The following DLGAP2 variants were observed in gnomAD, a reference collection of about 807,000 sequenced individuals.
DLGAP2 encodes the protein DLG associated protein 2.
In DLGAP2, 26 loss-of-function variants were observed where a neutral mutation model predicts 100.3. The observed-to-expected ratio is 0.26, with a 90% confidence interval of 0.19 to 0.36. The LOEUF is 0.36. DLGAP2 is among the 10% of genes least tolerant of loss of function. The probability of loss-of-function intolerance (pLI) is 1.00; values close to 1 mark genes in which losing one functional copy is unlikely to be tolerated. For synonymous variants in DLGAP2, 886 were observed against 630.1 expected, an observed-to-expected ratio of 1.41 and a Z score of -6.08; for missense variants, 1,858 against 1,453.2, an observed-to-expected ratio of 1.28 and a Z score of -4.53.
intron 12 of DLGAP2, among the ~76,000 whole-genome samples, chr8:1,687,258 A>AGAT (rs1799139184): frequency 6.6e-6 from 1 of 152,238 alleles, no homozygotes; most frequent in Non-Finnish European, 1.5e-5. Context: ...TACCAAATTT[A>AGAT]GATAGAATTG....
intron 10 of DLGAP2, among the ~76,000 whole-genome samples, chr8:1,670,984 A>T (rs1246817931): frequency 6.6e-6 from 1 of 152,212 alleles, no homozygotes; most frequent in Non-Finnish European, 1.5e-5. Context: ...AAGAGTGAGC[A>T]GGCTGTGGAC....
At position 1,462,070 on chromosome 8, in the gene DLGAP2, G is replaced by C. The variant is rs530504411; in HGVS notation, c.107-39296G>C. Among the ~76,000 whole-genome samples, 455 of 66,168 alleles carry C rather than the reference G, an allele frequency of 6.9e-3. 8 individuals carry two copies. Among genetic ancestry groups the C allele is most frequent in the Non-Finnish European group, 9.2e-3 (348 of 37,956 alleles). 43.4% of individuals were successfully genotyped at this position (66,168 alleles called of 152,430 possible). The stretch of plus-strand genomic sequence containing the variant: ...GAGGAGGGAGAAGGGCGGCATTTGG[G>C]TTGGGAGAAGGTGCTGCTGTCACAG... On this transcript the variant is annotated intron_variant, in intron 3 of 14. Transcript: ENST00000637795.
At chr8:1,327,055 G>A (rs569700953) in intron 3 of DLGAP2, among the ~76,000 whole-genome samples, 38 of 152,356 alleles carry the variant, frequency 2.5e-4, no homozygotes, top group African/African-American at 7.2e-4. Flanking sequence ...CGAAAATCCC[G>A]GGCAGGCCCC....
At chr8:1,614,158 T>A (rs1196008933) in intron 6 of DLGAP2, among the ~76,000 whole-genome samples, 1 of 152,150 alleles carries the variant, frequency 6.6e-6, no homozygotes, top group Non-Finnish European at 1.5e-5. Context: ...CATCACATAC[T>A]TCTCATGGGA....
At chr8:783,924 A>T (rs2132627830) in intron 1 of DLGAP2, among the ~76,000 whole-genome samples, 1 of 152,358 alleles carries the variant, frequency 6.6e-6, no homozygotes, top group African/African-American at 2.4e-5. Context: ...TCATAGCGTT[A>T]TCGGCTAATT....
rs928261213 is a variant in DLGAP2, at chr8:1,142,061, C to A, written c.74-116790C>A. ...ATGATTCAGAAGTGTCCATATTCTG[C>A]CTACGTATATAAGTTTTTTTTTTTG... On this transcript the variant is annotated intron_variant, in intron 2 of 14. Coordinates refer to ENST00000637795, the MANE Select transcript of DLGAP2 (RefSeq NM_001346810.2). Among the ~76,000 whole-genome samples the A allele has an allele frequency of 1.5e-4, 20 of 133,482 alleles. 1 individual carries two copies. Among genetic ancestry groups the A allele is most frequent in the African/African-American group, 4.2e-4 (16 of 38,516 alleles). 87.6% of individuals were successfully genotyped at this position (133,482 alleles called of 152,430 possible).
chr8:1,005,191 G>A (rs1378093792), intron 2 of DLGAP2, among the ~76,000 whole-genome samples: 1 of 152,152 alleles, frequency 6.6e-6, no homozygotes, highest in Non-Finnish European at 1.5e-5. Context: ...CTCACCTACA[G>A]TTTGGAGCCC....
chr8:1,356,988 A>T (rs1228995571), intron 3 of DLGAP2, among the ~76,000 whole-genome samples: 1 of 152,194 alleles, frequency 6.6e-6, no homozygotes, highest in Non-Finnish European at 1.5e-5. Flanking sequence ...CATAACCTGG[A>T]ACACACAGCG....
intron 2 of DLGAP2, among the ~76,000 whole-genome samples, chr8:1,056,408 C>G (rs1471462945): frequency 2.0e-5 from 3 of 152,152 alleles, no homozygotes; most frequent in African/African-American, 7.2e-5. Flanking sequence ...TTTCCCATCT[C>G]TTTTTCCTAG....
chr8:1,199,771 G>C (rs1197269453), intron 2 of DLGAP2, among the ~76,000 whole-genome samples: 3 of 152,164 alleles, frequency 2.0e-5, no homozygotes, highest in Non-Finnish European at 4.4e-5. Flanking sequence ...TTGCATGATG[G>C]AAGGTGTGTA....
chr8:805,374 T>C, intron 1 of DLGAP2, among the ~76,000 whole-genome samples: 1 of 152,206 alleles, frequency 6.6e-6, no homozygotes, highest in East Asian at 1.9e-4. Context: ...AGGGAGTTTC[T>C]TTGGGGCTGG....
intron 2 of DLGAP2, among the ~76,000 whole-genome samples, chr8:1,256,453 T>C (rs1159989374): frequency 0.02 from 2,551 of 130,588 alleles, 247 homozygotes; most frequent in African/African-American, 0.076. Flanking sequence ...CCTGCCCAGG[T>C]GCTGTGCGTG....
intron 2 of DLGAP2, among the ~76,000 whole-genome samples, chr8:1,069,830 G>T (rs549210998): frequency 6.6e-6 from 1 of 152,182 alleles, no homozygotes; most frequent in Admixed American, 6.5e-5. Flanking sequence ...GGAGGATGCT[G>T]TGAGGGCCTG....
intron 4 of DLGAP2, among the ~76,000 whole-genome samples, chr8:1,534,171 A>T (rs796774268): frequency 1.6e-4 from 25 of 152,360 alleles, no homozygotes; most frequent in African/African-American, 6.0e-4. Context: ...GGTTGGTTTA[A>T]ATTAAGGAGC....
At chr8:1,607,156 A>C (rs987939694) in intron 6 of DLGAP2, among the ~76,000 whole-genome samples, 7 of 152,250 alleles carry the variant, frequency 4.6e-5, no homozygotes, top group Admixed American at 6.5e-5. Context: ...TTAGTTGCAT[A>C]TGTAACATTA....
chr8:1,535,760 C>A (rs937892261), intron 4 of DLGAP2, among the ~76,000 whole-genome samples: 2 of 152,212 alleles, frequency 1.3e-5, no homozygotes, highest in Non-Finnish European at 2.9e-5. Context: ...TCACATATCT[C>A]CACTTAGGAC....
intron 1 of DLGAP2, among the ~76,000 whole-genome samples, chr8:861,794 A>AG (rs1797397046): frequency 6.6e-6 from 1 of 151,400 alleles, no homozygotes; most frequent in Non-Finnish European, 1.5e-5. Flanking sequence ...GACACACCTA[A>AG]CCTCCCGGTG....
At chr8:1,081,183 T>G (rs1223005748) in intron 2 of DLGAP2, among the ~76,000 whole-genome samples, 1 of 152,158 alleles carries the variant, frequency 6.6e-6, no homozygotes, top group Non-Finnish European at 1.5e-5. Context: ...ATATTAATAA[T>G]AACAATAACA....
chr8:1,546,248 G>A (rs1185064348), intron 4 of DLGAP2, among the ~76,000 whole-genome samples: 1 of 152,226 alleles, frequency 6.6e-6, no homozygotes, highest in Non-Finnish European at 1.5e-5. Flanking sequence ...TGAAGTTAAA[G>A]GATCTCTTTA....
Sources: gnomAD v4.1 joint callset for allele counts (sites outside exome capture counted in the v4.1 genomes callset) on GRCh38, gnomAD v4.1.1 for gene constraint, MANE v1.5 for transcripts, NCBI Gene and HGNC (gene_info 2026-07-23, HGNC 2026-07-21) for gene names.